Variants in AKAP10 observed in about 807,000 individuals in gnomAD.
AKAP10 encodes A-kinase anchoring protein 10.
Under a neutral mutation model 80.8 loss-of-function variants are expected in AKAP10, and 24 were observed. That is an observed-to-expected ratio of 0.30 (90% CI 0.22 to 0.42). The LOEUF (loss-of-function observed/expected upper bound fraction) is 0.42. Among genes scored for constraint, AKAP10 ranks in the 10% least tolerant of loss-of-function variants. The probability of loss-of-function intolerance (pLI) is 1.00; values close to 1 mark genes in which losing one functional copy is unlikely to be tolerated. For synonymous variants in AKAP10, 291 were observed against 277.7 expected, an observed-to-expected ratio of 1.05 and a Z score of -0.48; for missense variants, 661 against 794.9, an observed-to-expected ratio of 0.83 and a Z score of 2.03.
chr17:19,941,349 G>GA (rs1294249757), intron 6 of AKAP10, among the ~76,000 whole-genome samples: 2 of 152,148 alleles, frequency 1.3e-5, no homozygotes, highest in Non-Finnish European at 1.5e-5. Flanking sequence ...AATGTTAAGT[G>GA]AAAGAATGAA....
At chr17:19,930,842 C>T (rs1413701222) in intron 10 of AKAP10, among the ~76,000 whole-genome samples, 1 of 152,146 alleles carries the variant, frequency 6.6e-6, no homozygotes, top group East Asian at 1.9e-4. Flanking sequence ...TCCCAAGTAG[C>T]TGGGATTACA....
Position 19,947,438 on chromosome 17 carries a change from T to C in AKAP10, c.945A>G (p.Pro315=), listed in dbSNP as rs1177247675. The part of the protein sequence containing the change: ...YISPDAAKPI[P]ITEAMRNDII... The stretch of plus-strand genomic sequence containing the variant: ...TGTCATTTCTCATTGCTTCTGTAAT[T>C]GGTATTGGTTTAGCAGCATCTGGAG... Residue 315 remains proline (P), a synonymous_variant, in exon 5 of 15, where the codon CCA becomes CCG. Coordinates refer to ENST00000225737, the MANE Select transcript of AKAP10 (RefSeq NM_007202.4). 3 of 1,611,672 alleles carry C rather than the reference T, an allele frequency of 1.9e-6. No individual in the cohort carries two copies. Among genetic ancestry groups the C allele is most frequent in the Middle Eastern group, 1.7e-4 (1 of 6,054 alleles).
At chr17:19,939,966 A>G in intron 7 of AKAP10, 117 bp from the exon 8 acceptor site, 1 of 1,146,032 alleles carries the variant, frequency 8.7e-7, no homozygotes, top group Non-Finnish European at 1.2e-6. Flanking sequence ...AAAAAGATCT[A>G]CTTCTTCTGT....
intron 10 of AKAP10, among the ~76,000 whole-genome samples, chr17:19,926,679 C>T (rs1168324028): frequency 1.3e-5 from 2 of 152,108 alleles, no homozygotes; most frequent in African/African-American, 2.4e-5. Context: ...ATAATGGAAT[C>T]GAAAAGAACT....
chr17:19,909,367 A>G (rs2042666030), intron 13 of AKAP10, 91 bp from the exon 14 acceptor site: 1 of 1,115,008 alleles, frequency 9.0e-7, no homozygotes, highest in Non-Finnish European at 1.3e-6. Flanking sequence ...TGGCTTACGC[A>G]CATAATTTCT....
chr17:19,921,138 A>C (rs1254977651), intron 11 of AKAP10, among the ~76,000 whole-genome samples: 4 of 151,640 alleles, frequency 2.6e-5, no homozygotes, highest in Non-Finnish European at 4.4e-5. Flanking sequence ...ATTAGCAAAC[A>C]CTTAAGACTG....
chr17:19,949,342 T>G (rs2043171843), intron 4 of AKAP10, among the ~76,000 whole-genome samples: 1 of 151,898 alleles, frequency 6.6e-6, no homozygotes, highest in African/African-American at 2.4e-5. Flanking sequence ...ATAGAAATTT[T>G]CGAAGCTGAA....
chr17:19,961,573 C>T (rs2043349896), intron 3 of AKAP10, among the ~76,000 whole-genome samples: 1 of 152,124 alleles, frequency 6.6e-6, no homozygotes, highest in African/African-American at 2.4e-5. Flanking sequence ...ATGTCAAAAG[C>T]AGGACTGATT....
intron 4 of AKAP10, among the ~76,000 whole-genome samples, chr17:19,957,489 C>T (rs375742346): frequency 2.6e-5 from 4 of 151,780 alleles, no homozygotes; most frequent in African/African-American, 9.7e-5. Context: ...GAGCCGAGAC[C>T]GCGCCATTGC....
intron 8 of AKAP10, among the ~76,000 whole-genome samples, chr17:19,937,993 T>A (rs1457240859): frequency 6.6e-6 from 1 of 151,062 alleles, no homozygotes; most frequent in Non-Finnish European, 1.5e-5. Flanking sequence ...TTTTTTTTTT[T>A]TTGAGATGCA....
At chr17:19,914,277 G>T (rs1184846393) in intron 12 of AKAP10, among the ~76,000 whole-genome samples, 5 of 152,272 alleles carry the variant, frequency 3.3e-5, no homozygotes, top group African/African-American at 9.6e-5. Flanking sequence ...TGAGATTACA[G>T]GTGTGAGGCA....
intron 4 of AKAP10, among the ~76,000 whole-genome samples, chr17:19,948,349 T>C (rs968116309): frequency 6.6e-6 from 1 of 150,974 alleles, no homozygotes; most frequent in Non-Finnish European, 1.5e-5. Context: ...AAGAAGAAGT[T>C]CCAAGACAGG....
chr17:19,910,338 A>G (rs979926230), intron 12 of AKAP10, among the ~76,000 whole-genome samples: 3 of 151,654 alleles, frequency 2.0e-5, no homozygotes, highest in Admixed American at 2.0e-4. Context: ...AAAAAAAAAA[A>G]AAAACCACTA....
At chr17:19,963,701 CCTG>C (rs1051420722) in intron 2 of AKAP10, among the ~76,000 whole-genome samples, 5 of 151,984 alleles carry the variant, frequency 3.3e-5, no homozygotes, top group African/African-American at 1.2e-4. Context: ...TCAAGACCAG[CCTG>C]ACCAACATGG....
chr17:19,937,983 T>C (rs1597504174), intron 8 of AKAP10, among the ~76,000 whole-genome samples: 4 of 150,906 alleles, frequency 2.7e-5, no homozygotes, highest in African/African-American at 9.7e-5. Flanking sequence ...ACCTTTTTTT[T>C]TTTTTTTTTT....
intron 10 of AKAP10, among the ~76,000 whole-genome samples, chr17:19,928,255 A>T (rs2042895702): frequency 6.6e-6 from 1 of 152,138 alleles, no homozygotes; most frequent in Non-Finnish European, 1.5e-5. Context: ...AAATAAAAAT[A>T]AAAATGGCCA....
intron 12 of AKAP10, among the ~76,000 whole-genome samples, chr17:19,916,501 T>C (rs898470394): frequency 1.3e-5 from 2 of 152,168 alleles, no homozygotes; most frequent in African/African-American, 4.8e-5. Flanking sequence ...CAACTGCTCA[T>C]AATACACCTT....
chr17:19,973,475 A>G (rs2152420015), intron 1 of AKAP10, among the ~76,000 whole-genome samples: 1 of 152,346 alleles, frequency 6.6e-6, no homozygotes, highest in Non-Finnish European at 1.5e-5. Context: ...TTGCCAGATG[A>G]TGGATAACTA....
At chr17:19,942,778 T>C (rs2043063106) in intron 5 of AKAP10, among the ~76,000 whole-genome samples, 2 of 152,228 alleles carry the variant, frequency 1.3e-5, no homozygotes, top group South Asian at 2.1e-4. Context: ...TTCATGACTT[T>C]AGTGGGACCT....
Sources: gnomAD v4.1 joint callset for allele counts (sites outside exome capture counted in the v4.1 genomes callset) on GRCh38, gnomAD v4.1.1 for gene constraint, MANE v1.5 for transcripts, NCBI Gene and HGNC (gene_info 2026-07-23, HGNC 2026-07-21) for gene names.